Variants in CACNB4 observed in about 807,000 individuals in gnomAD.
CACNB4 encodes the protein calcium voltage-gated channel auxiliary subunit beta 4, also known as voltage-dependent L-type calcium channel subunit beta-4.
Under a neutral mutation model 71.2 loss-of-function variants are expected in CACNB4, and 32 were observed. The ratio of observed to expected loss-of-function variants is 0.45; its 90% CI spans 0.34 to 0.60. The LOEUF is 0.60. Ranked by LOEUF, CACNB4 falls within the 20% of genes least tolerant of loss-of-function variation. The pLI, the probability that CACNB4 is intolerant of heterozygous loss-of-function variation, is 0.01. For synonymous variants in CACNB4, 231 were observed against 236.9 expected, an observed-to-expected ratio of 0.97 and a Z score of 0.23; for missense variants, 464 against 647.9, an observed-to-expected ratio of 0.72 and a Z score of 3.08.
At chr2:151,861,855 A>ACAAAGAAAAAAAAAAACAAAC (rs1278683315) in intron 9 of CACNB4, 1 of 151,504 alleles carries the variant, frequency 6.6e-6, no homozygotes, top group Non-Finnish European at 1.5e-5. Flanking sequence ...AAAAAAAAAA[A>ACAAAGAAAAAAAAAAACAAAC]AAACTGAAGA....
intron 2 of CACNB4, among the ~76,000 whole-genome samples, chr2:151,953,004 G>C (rs1448022321): frequency 6.6e-6 from 1 of 152,204 alleles, no homozygotes; most frequent in Admixed American, 6.5e-5. Flanking sequence ...AGAAGACTGG[G>C]TATATGTTTA....
intron 5 of CACNB4, chr2:151,873,633 A>C (rs1285375806): frequency 1.3e-5 from 2 of 152,164 alleles, no homozygotes; most frequent in African/African-American, 4.8e-5. Context: ...GGTCACTGAA[A>C]GGGTGATACC....
chr2:151,958,701 A>C (rs1431242745), intron 2 of CACNB4, among the ~76,000 whole-genome samples: 1 of 152,174 alleles, frequency 6.6e-6, no homozygotes, highest in Non-Finnish European at 1.5e-5. Flanking sequence ...TCAGGCTTCC[A>C]TCAGCTCACA....
At chr2:152,070,427 A>C (rs924190685) in intron 2 of CACNB4, among the ~76,000 whole-genome samples, 9 of 152,178 alleles carry the variant, frequency 5.9e-5, no homozygotes, top group African/African-American at 2.2e-4. Context: ...TATCAAAGAT[A>C]CTAGAACCCA....
At chr2:151,915,641 G>A (rs545150276) in intron 2 of CACNB4, among the ~76,000 whole-genome samples, 90 of 152,204 alleles carry the variant, frequency 5.9e-4, no homozygotes, top group Middle Eastern at 6.8e-3. Flanking sequence ...TCAGGAGCTC[G>A]AGACCAGCCT....
At chr2:151,839,481 A>G (rs2099835617) in intron 13 of CACNB4, 102 bp from the exon 14 acceptor site, 2 of 923,724 alleles carry the variant, frequency 2.2e-6, no homozygotes, top group Admixed American at 4.5e-5. Flanking sequence ...AAGATGCTAA[A>G]TATCTGACTT....
At chr2:152,084,393 C>T (rs2105435365) in intron 2 of CACNB4, among the ~76,000 whole-genome samples, 1 of 152,280 alleles carries the variant, frequency 6.6e-6, no homozygotes, top group South Asian at 2.1e-4. Context: ...AGGCACAGCT[C>T]CTGCAGCAGA....
intron 2 of CACNB4, among the ~76,000 whole-genome samples, chr2:151,986,110 A>G (rs866785829): frequency 2.9e-4 from 44 of 152,218 alleles, no homozygotes; most frequent in African/African-American, 1.0e-3. Flanking sequence ...TCCCTAAGCT[A>G]TCATCTTGTT....
chr2:151,999,403 TG>T (rs924520775), intron 2 of CACNB4, among the ~76,000 whole-genome samples: 2 of 151,998 alleles, frequency 1.3e-5, no homozygotes, highest in African/African-American at 2.4e-5. Flanking sequence ...TTATACCCTT[TG>T]GGGGAATCAT....
chr2:151,853,645 A>T, intron 11 of CACNB4, 102 bp from the exon 12 acceptor site: 1 of 658,674 alleles, frequency 1.5e-6, no homozygotes, highest in Non-Finnish European at 2.6e-6. Flanking sequence ...GAGTATTATC[A>T]GAGAGGAAAT....
chr2:151,834,334 T>G lies in CACNB4; in HGVS notation c.*4785A>C, dbSNP rs1294900762. ...TACATCATGAGAAACAAAAGAAAGT[T>G]TCATATATAACTACGACTCCCCAAA... On this transcript the variant is annotated 3_prime_UTR_variant, in exon 14 of 14. Coordinates refer to ENST00000539935, the MANE Select transcript of CACNB4 (RefSeq NM_000726.5). The G allele has an allele frequency of 6.6e-6, 1 of 151,988 alleles. No individual in the cohort carries two copies. Among genetic ancestry groups the G allele is most frequent in the Non-Finnish European group, 1.5e-5 (1 of 67,866 alleles). The allele number at this position is 151,988 out of a possible 1,614,324, so 9.4% of individuals were successfully genotyped here.
At chr2:151,855,720 C>T (rs758020408) in intron 10 of CACNB4, among the ~76,000 whole-genome samples, 2 of 152,100 alleles carry the variant, frequency 1.3e-5, no homozygotes, top group Non-Finnish European at 2.9e-5. Flanking sequence ...GCTAAAAGCA[C>T]ATTTAGAAAA....
chr2:151,963,265 T>C (rs1265974864), intron 2 of CACNB4, among the ~76,000 whole-genome samples: 1 of 148,296 alleles, frequency 6.7e-6, no homozygotes, highest in Non-Finnish European at 1.5e-5. Flanking sequence ...TGAGCCGAGA[T>C]TGCGCCACTG....
At chr2:151,859,564 C>T (rs1175068926) in intron 10 of CACNB4, 2 of 152,190 alleles carry the variant, frequency 1.3e-5, no homozygotes, top group Non-Finnish European at 2.9e-5. Context: ...ATCAACACTG[C>T]CATTGTACCT....
chr2:152,001,733 AG>A (rs1279159413), intron 2 of CACNB4, among the ~76,000 whole-genome samples: 11 of 144,846 alleles, frequency 7.6e-5, no homozygotes, highest in Non-Finnish European at 1.7e-4. Flanking sequence ...AAAAAAAAAA[AG>A]AGAATGAGTT....
chr2:152,056,562 T>C (rs754408709), intron 2 of CACNB4, among the ~76,000 whole-genome samples: 1 of 152,156 alleles, frequency 6.6e-6, no homozygotes, highest in African/African-American at 2.4e-5. Context: ...CGGGAAGACC[T>C]AGACATGCCA....
In CACNB4 at chr2:151,963,284, C is replaced by G. The variant is rs990866939; in HGVS notation, c.148-79914G>C. ...CCGAGATTGCGCCACTGCACTCCAG[C>G]CTGGGTGACAGAGAAAGACACCGTC... On this transcript the variant is annotated intron_variant, in intron 2 of 13. Coordinates refer to ENST00000539935, the MANE Select transcript of CACNB4 (RefSeq NM_000726.5). Among the ~76,000 whole-genome samples the G allele has an allele frequency of 4.8e-5, 7 of 146,570 alleles. No homozygotes were observed. The Admixed American group carries it at 4.8e-4, about 10-fold the overall frequency.
At chr2:152,055,294 G>T (rs1008440752) in intron 2 of CACNB4, among the ~76,000 whole-genome samples, 1 of 152,210 alleles carries the variant, frequency 6.6e-6, no homozygotes, top group East Asian at 1.9e-4. Context: ...TTACAGGTGT[G>T]AGCCACCATG....
At chr2:152,067,219 G>A (rs988297774) in intron 2 of CACNB4, among the ~76,000 whole-genome samples, 1 of 152,154 alleles carries the variant, frequency 6.6e-6, no homozygotes, top group African/African-American at 2.4e-5. Flanking sequence ...GGCCAATGGG[G>A]ACAGAAGCAA....
Sources: allele counts gnomAD v4.1 joint callset (sites outside exome capture counted in the v4.1 genomes callset), GRCh38; gene constraint gnomAD v4.1.1; transcripts MANE v1.5; gene names NCBI Gene and HGNC (gene_info 2026-07-23, HGNC 2026-07-21).